The following PTPRR variants were observed in gnomAD, a reference collection of about 807,000 sequenced individuals.
PTPRR encodes receptor-type tyrosine-protein phosphatase R.
A neutral mutation model predicts 77.2 loss-of-function variants in PTPRR; 38 were observed. The ratio of observed to expected loss-of-function variants is 0.49; its 90% CI spans 0.38 to 0.65. PTPRR has a LOEUF of 0.65. Ranked by LOEUF, PTPRR falls within the 30% of genes least tolerant of loss-of-function variation. The pLI is 0.00. For synonymous variants in PTPRR, 299 were observed against 283.1 expected (o/e 1.06, Z -0.57); for missense variants, 744 against 799.2 (o/e 0.93, Z 0.83).
At chr12:70,852,469 AT>A (rs1253050426) in intron 2 of PTPRR, among the ~76,000 whole-genome samples, 1 of 152,190 alleles carries the variant, frequency 6.6e-6, no homozygotes, top group African/African-American at 2.4e-5. Context: ...TTCCTGATTA[AT>A]ACTGTATTAC....
chr12:70,646,485 A>G (rs1402912063), intron 13 of PTPRR, among the ~76,000 whole-genome samples: 1 of 152,154 alleles, frequency 6.6e-6, no homozygotes, highest in East Asian at 1.9e-4. Flanking sequence ...TCTGAAAATT[A>G]GCCGTTTTCC....
chr12:70,732,772 G>C (rs7132366), intron 6 of PTPRR, among the ~76,000 whole-genome samples: 66,398 of 151,926 alleles, frequency 0.44, 15,996 homozygotes, highest in East Asian at 0.55. Flanking sequence ...TGTTGGCCAA[G>C]CTGGTCTCAA....
intron 2 of PTPRR, among the ~76,000 whole-genome samples, chr12:70,815,527 G>A (rs986904349): frequency 6.6e-6 from 1 of 152,124 alleles, no homozygotes; most frequent in African/African-American, 2.4e-5. Flanking sequence ...GTTTTAAAAT[G>A]TCAGAAGTCA....
At chr12:70,679,419 T>C (rs188154818) in intron 10 of PTPRR, among the ~76,000 whole-genome samples, 121 of 152,342 alleles carry the variant, frequency 7.9e-4, no homozygotes, top group African/African-American at 2.8e-3. Flanking sequence ...GTCTATTGTG[T>C]GGTTTAAATC....
intron 1 of PTPRR, among the ~76,000 whole-genome samples, chr12:70,908,727 C>A (rs1474141262): frequency 6.6e-6 from 1 of 152,104 alleles, no homozygotes; most frequent in African/African-American, 2.4e-5. Context: ...CCTGGTCTCC[C>A]TTGCCTGTGT....
intron 6 of PTPRR, among the ~76,000 whole-genome samples, chr12:70,703,636 C>T (rs533589776): frequency 4.3e-4 from 65 of 152,196 alleles, no homozygotes; most frequent in Non-Finnish European, 7.4e-4. Context: ...AATAGTTTGC[C>T]GATTGGTCTT....
intron 13 of PTPRR, among the ~76,000 whole-genome samples, chr12:70,655,138 A>G (rs1339788729): frequency 6.6e-6 from 1 of 152,244 alleles, no homozygotes; most frequent in Non-Finnish European, 1.5e-5. Flanking sequence ...TTTCAAAACA[A>G]ATGGAGATTA....
intron 1 of PTPRR, chr12:70,907,024 AC>A (rs1700796096): frequency 6.6e-6 from 1 of 152,224 alleles, no homozygotes; most frequent in Admixed American, 6.5e-5. Flanking sequence ...CTTAAAGAAA[AC>A]TAAAATAAAA....
Position 70,719,157 on chromosome 12 carries a change from G to A in PTPRR, c.1008-17834C>T, listed in dbSNP as rs540802607. 1.8e-4 allele frequency among the ~76,000 whole-genome samples: 27 copies of A among 152,198 alleles called. 1 individual carries two copies. The highest frequency in any genetic ancestry group is 6.5e-4 in the African/African-American group (27 of 41,524). On this transcript the variant is annotated intron_variant, in intron 6 of 13. Transcript: ENST00000283228. Reference sequence around the variant, plus strand: ...AAATCATTTTTGACAAGAACTCTCGGGCTAAGCTTTAAGTAATCAGTATCT... The same window carrying A: ...AAATCATTTTTGACAAGAACTCTCGAGCTAAGCTTTAAGTAATCAGTATCT...
intron 13 of PTPRR, among the ~76,000 whole-genome samples, chr12:70,642,897 C>T (rs1412694745): frequency 2.0e-5 from 3 of 152,100 alleles, no homozygotes; most frequent in African/African-American, 7.2e-5. Context: ...ATGCCTATAA[C>T]CCCAGCACTT....
intron 13 of PTPRR, among the ~76,000 whole-genome samples, chr12:70,648,983 G>A (rs1345948512): frequency 6.6e-6 from 1 of 152,128 alleles, no homozygotes; most frequent in Admixed American, 6.5e-5. Context: ...TCTATTAATA[G>A]AAGTTGTCAC....
At chr12:70,828,568 C>T (rs1224363213) in intron 2 of PTPRR, among the ~76,000 whole-genome samples, 1 of 152,204 alleles carries the variant, frequency 6.6e-6, no homozygotes, top group Non-Finnish European at 1.5e-5. Context: ...AGAGAGGTTA[C>T]TCAGCTGGCC....
At chr12:70,657,041 A>C (rs773319732) in intron 12 of PTPRR, among the ~76,000 whole-genome samples, 2 of 152,114 alleles carry the variant, frequency 1.3e-5, no homozygotes, top group Non-Finnish European at 2.9e-5. Flanking sequence ...TTGGGGGAAC[A>C]GTAAAAAGGC....
chr12:70,908,975 C>A (rs1172183133), intron 1 of PTPRR, among the ~76,000 whole-genome samples: 1 of 152,194 alleles, frequency 6.6e-6, no homozygotes, highest in Non-Finnish European at 1.5e-5. Flanking sequence ...GAAGCAGCAA[C>A]TACCCAGTTT....
chr12:70,830,198 C>A (rs1892187754), intron 2 of PTPRR, among the ~76,000 whole-genome samples: 1 of 152,056 alleles, frequency 6.6e-6, no homozygotes, highest in Admixed American at 6.5e-5. Flanking sequence ...ATCAAAGCAA[C>A]CAGATTTACC....
chr12:70,689,443 C>T lies in PTPRR; in HGVS notation c.1280-4660G>A, dbSNP rs768896738. Among the ~76,000 whole-genome samples the T allele has an allele frequency of 3.7e-4, 56 of 152,226 alleles. No homozygotes were observed. The Middle Eastern group carries it at 0.01, about 28-fold the overall frequency. On this transcript the variant is annotated intron_variant, in intron 8 of 13. Transcript: ENST00000283228. ...CTCAGTCTGCATAAAATCTATTACA[C>T]CCTTTGTAATGTAGAAAGACTTCTG...
chr12:70,835,784 TAAAC>T (rs1241669859), intron 2 of PTPRR, among the ~76,000 whole-genome samples: 2 of 152,116 alleles, frequency 1.3e-5, no homozygotes, highest in African/African-American at 4.8e-5. Flanking sequence ...TTTAATAAAA[TAAAC>T]ATTTCATTAT....
chr12:70,818,235 CAAAAAAA>C (rs34025995), intron 2 of PTPRR, among the ~76,000 whole-genome samples: 2 of 68,682 alleles, frequency 2.9e-5, no homozygotes, highest in African/African-American at 5.7e-5. Flanking sequence ...AACTCCGTCT[CAAAAAAA>C]AAAAAAAAAA....
At chr12:70,726,727 T>G (rs1302222051) in intron 6 of PTPRR, among the ~76,000 whole-genome samples, 1 of 151,972 alleles carries the variant, frequency 6.6e-6, no homozygotes, top group African/African-American at 2.4e-5. Flanking sequence ...ATTACAGGTG[T>G]ATGCCATTAT....
Sources: gnomAD v4.1 joint callset for allele counts (sites outside exome capture counted in the v4.1 genomes callset) on GRCh38, gnomAD v4.1.1 for gene constraint, MANE v1.5 for transcripts, NCBI Gene and HGNC (gene_info 2026-07-23, HGNC 2026-07-21) for gene names.